Variants in PLCG2 observed in about 807,000 individuals in gnomAD.
PLCG2 encodes 1-phosphatidylinositol 4,5-bisphosphate phosphodiesterase gamma-2.
PLCG2 carries 69 observed loss-of-function variants against 175.6 expected under a neutral mutation model. The ratio of observed to expected loss-of-function variants is 0.39; its 90% CI spans 0.32 to 0.48. PLCG2 has a LOEUF of 0.48. Ranked by LOEUF, PLCG2 falls within the 20% of genes least tolerant of loss-of-function variation. PLCG2 has a pLI of 0.91. For synonymous variants in PLCG2, 827 were observed against 624.0 expected, an observed-to-expected ratio of 1.33 and a Z score of -4.85; for missense variants, 1,798 against 1,650.9, an observed-to-expected ratio of 1.09 and a Z score of -1.54.
intron 14 of PLCG2, among the ~76,000 whole-genome samples, chr16:81,903,835 G>A (rs895133439): frequency 6.6e-6 from 1 of 152,198 alleles, no homozygotes; most frequent in African/African-American, 2.4e-5. Flanking sequence ...AAGTACTGAA[G>A]GCCCCTTTTA....
At chr16:81,920,404 A>T (rs1910012997) in intron 20 of PLCG2, among the ~76,000 whole-genome samples, 1 of 152,178 alleles carries the variant, frequency 6.6e-6, no homozygotes, top group African/African-American at 2.4e-5. Context: ...TGGAGAGGAG[A>T]GACAGATAAT....
At chr16:81,857,792 G>A (rs1906759938) in intron 3 of PLCG2, among the ~76,000 whole-genome samples, 1 of 152,222 alleles carries the variant, frequency 6.6e-6, no homozygotes, top group African/African-American at 2.4e-5. Flanking sequence ...TGTAATGGCT[G>A]CTATGAGCTG....
chr16:81,958,590 G>A lies in PLCG2; in HGVS notation c.*592G>A, dbSNP rs983357972. The A allele has an allele frequency of 4.4e-6, 1 of 229,430 alleles. No homozygotes were observed. Among genetic ancestry groups the A allele is most frequent in the African/African-American group, 2.2e-5 (1 of 45,264 alleles). The allele number at this position is 229,430 out of a possible 1,614,324, so 14.2% of individuals were successfully genotyped here. A position where few individuals can be genotyped will look rare whatever the true frequency, so the allele number is the denominator to read the frequency against. On this transcript the variant is annotated 3_prime_UTR_variant, in exon 33 of 33. Transcript: ENST00000564138. ...CTGAGTGATGGGATCTGTTCATTAA[G>A]ACAATTTCTAATTAATGGTGACAGC...
intron 1 of PLCG2, among the ~76,000 whole-genome samples, chr16:81,743,192 G>A (rs1353146323): frequency 1.3e-5 from 2 of 152,044 alleles, no homozygotes; most frequent in Non-Finnish European, 2.9e-5. Context: ...GAAAGGAAAG[G>A]AAGAAAAAGA....
At chr16:81,805,127 C>G (rs200568068) in intron 2 of PLCG2, among the ~76,000 whole-genome samples, 2 of 152,044 alleles carry the variant, frequency 1.3e-5, no homozygotes, top group Non-Finnish European at 2.9e-5. Context: ...GTTAACAAGA[C>G]AAGCCACAGA....
chr16:81,843,845 G>A (rs1009279155), intron 2 of PLCG2, among the ~76,000 whole-genome samples: 4 of 152,354 alleles, frequency 2.6e-5, no homozygotes, highest in South Asian at 2.1e-4. Flanking sequence ...GCAGGATGCC[G>A]GGTTTGATGT....
chr16:81,751,217 G>A (rs1257029322), intron 1 of PLCG2, among the ~76,000 whole-genome samples: 2 of 150,298 alleles, frequency 1.3e-5, no homozygotes, highest in Non-Finnish European at 3.0e-5. Context: ...CTGACCTCAG[G>A]TGATCCACCT....
At chr16:81,845,255 A>G (rs1906054028) in intron 2 of PLCG2, among the ~76,000 whole-genome samples, 1 of 152,108 alleles carries the variant, frequency 6.6e-6, no homozygotes, top group Non-Finnish European at 1.5e-5. Context: ...GTTATTTCTT[A>G]TGCCTTATAT....
intron 2 of PLCG2, among the ~76,000 whole-genome samples, chr16:81,826,776 C>T (rs111863188): frequency 2.3e-4 from 35 of 152,286 alleles, no homozygotes; most frequent in African/African-American, 7.2e-4. Context: ...AAGAACCTTC[C>T]CAAAGCCACT....
rs375523097 is a variant in PLCG2 at position 81,864,007 on chromosome 16, C to G, written c.479+4844C>G. ...CACGGCAGTAGTGATTCGGGTTTTA[C>G]TGTTCTGGGCATGGCCTCTGGCGTT... On this transcript the variant is annotated intron_variant, in intron 5 of 32. Coordinates refer to ENST00000564138, the MANE Select transcript of PLCG2 (RefSeq NM_002661.5). Among the ~76,000 whole-genome samples, 36 of 152,288 alleles carry G rather than the reference C, an allele frequency of 2.4e-4. No individual in the cohort carries two copies. In the East Asian group the frequency reaches 6.8e-3, roughly 29 times the overall value.
rs73594854 is a variant in PLCG2, at chr16:81,872,953, C to T, written c.648+2018C>T. On this transcript the variant is annotated intron_variant, in intron 7 of 32. Coordinates refer to ENST00000564138, the MANE Select transcript of PLCG2 (RefSeq NM_002661.5). ...AGTGAGGCCACCTGATGGGTGACCA[C>T]TGGCCGTGGGACTTTGGATGTATCT... Among the ~76,000 whole-genome samples, 898 of 152,340 alleles carry T rather than the reference C, an allele frequency of 5.9e-3. 8 individuals carry two copies. The highest frequency in any genetic ancestry group is 0.018 in the African/African-American group (758 of 41,572).
chr16:81,952,513 A>C (rs1911407405), intron 31 of PLCG2, among the ~76,000 whole-genome samples: 1 of 152,354 alleles, frequency 6.6e-6, no homozygotes, highest in Admixed American at 6.5e-5. Context: ...TTAACATTTC[A>C]GTAAATAAAG....
chr16:81,889,019 C>A (rs144598462), intron 9 of PLCG2, among the ~76,000 whole-genome samples, 153 bp from the exon 10 acceptor site: 7 of 152,160 alleles, frequency 4.6e-5, no homozygotes, highest in Non-Finnish European at 8.8e-5. Flanking sequence ...GGGCCATGTG[C>A]AGAATGAGGC....
chr16:81,836,679 G>T (rs914020457), intron 2 of PLCG2, among the ~76,000 whole-genome samples: 2 of 152,216 alleles, frequency 1.3e-5, no homozygotes, highest in African/African-American at 4.8e-5. Flanking sequence ...AGGCTGAGGT[G>T]CAGTGAGCTG....
chr16:81,811,086 G>A (rs9937223), intron 2 of PLCG2, among the ~76,000 whole-genome samples: 21,307 of 152,090 alleles, frequency 0.14, 1,820 homozygotes, highest in African/African-American at 0.23. Flanking sequence ...TTCCTGGAAT[G>A]ACCCTGAGGT....
intron 30 of PLCG2, among the ~76,000 whole-genome samples, chr16:81,941,240 G>T (rs1217796020): frequency 6.6e-6 from 1 of 152,144 alleles, no homozygotes; most frequent in East Asian, 1.9e-4. Flanking sequence ...GAAAATCCAG[G>T]TGCTGGCCGG....
rs145483778 is a variant in PLCG2 at position 81,799,825 on chromosome 16, C to T, written c.193+13643C>T. Among the ~76,000 whole-genome samples the T allele has an allele frequency of 4.0e-3, 606 of 150,046 alleles. 13 individuals are homozygous for T. The highest frequency in any genetic ancestry group is 0.031 in the Admixed American group (469 of 15,002). Reference sequence around the variant, plus strand: ...AGCCAGGATGGTCTCGATCTCCTGACCTCGTGATCCTCCCACCTTGGCCTC... The same window carrying T: ...AGCCAGGATGGTCTCGATCTCCTGATCTCGTGATCCTCCCACCTTGGCCTC... On this transcript the variant is annotated intron_variant, in intron 2 of 32. Transcript: ENST00000564138.
intron 2 of PLCG2, among the ~76,000 whole-genome samples, chr16:81,801,636 C>G (rs558764942): frequency 6.6e-6 from 1 of 152,166 alleles, no homozygotes; most frequent in East Asian, 1.9e-4. Context: ...TTTTTAAAAA[C>G]CTATCTCCCA....
Position 81,831,595 on chromosome 16 carries a change from G to T in PLCG2, c.194-22849G>T, listed in dbSNP as rs116568878. ...GGACCCCTGGCTGGGTCTCTGACCAGTGCTGGGAAAGAGGGAGGCAGGTAG... is the reference window on the plus strand; with the variant it reads ...GGACCCCTGGCTGGGTCTCTGACCATTGCTGGGAAAGAGGGAGGCAGGTAG... On this transcript the variant is annotated intron_variant, in intron 2 of 32. Coordinates refer to ENST00000564138, the MANE Select transcript of PLCG2 (RefSeq NM_002661.5). Among the ~76,000 whole-genome samples, 233 of 152,292 alleles carry T rather than the reference G, an allele frequency of 1.5e-3. 1 individual carries two copies. Among genetic ancestry groups the T allele is most frequent in the African/African-American group, 5.1e-3 (213 of 41,558 alleles).
Sources: allele counts gnomAD v4.1 joint callset (sites outside exome capture counted in the v4.1 genomes callset), GRCh38; gene constraint gnomAD v4.1.1; transcripts MANE v1.5; gene names NCBI Gene and HGNC (gene_info 2026-07-23, HGNC 2026-07-21).